UGT1A5: variants seen among roughly 807,000 people sequenced by gnomAD.
UGT1A5 encodes the protein UDP glucuronosyltransferase family 1 member A5.
Under a neutral mutation model 40.3 loss-of-function variants are expected in UGT1A5, and 29 were observed. That is an observed-to-expected ratio of 0.72 (90% CI 0.54 to 0.98). The LOEUF (loss-of-function observed/expected upper bound fraction) is 0.98. UGT1A5 is among the 50% of genes least tolerant of loss of function. The pLI, the probability that UGT1A5 is intolerant of heterozygous loss-of-function variation, is 0.00. For synonymous variants in UGT1A5, 257 were observed against 262.5 expected (o/e 0.98, Z 0.20); for missense variants, 678 against 677.9 (o/e 1.00, Z 0.00).
At chr2:233,772,163 T>C in intron 4 of UGT1A5, 99 bp from the exon 5 acceptor site, 2 of 1,568,298 alleles carry the variant, frequency 1.3e-6, no homozygotes, top group South Asian at 1.2e-5. Context: ...TTCCCAAGTT[T>C]GGAAAATCTG....
intron 1 of UGT1A5, among the ~76,000 whole-genome samples, chr2:233,717,273 A>G (rs3806593): frequency 0.1 from 15,402 of 152,148 alleles, 886 homozygotes; most frequent in East Asian, 0.2. Context: ...ATAGTTGAGA[A>G]GCTGAGATGT....
chr2:233,734,445 A>G (rs1034867572), intron 1 of UGT1A5, among the ~76,000 whole-genome samples: 11 of 144,918 alleles, frequency 7.6e-5, no homozygotes, highest in African/African-American at 3.0e-4. Flanking sequence ...CCAGAGGTCT[A>G]TCAATTTTCA....
intron 1 of UGT1A5, among the ~76,000 whole-genome samples, chr2:233,762,455 C>T (rs960271633): frequency 3.9e-5 from 6 of 152,100 alleles, no homozygotes; most frequent in Admixed American, 6.5e-5. Flanking sequence ...GCCCACTTAC[C>T]GATAATGTCA....
intron 1 of UGT1A5, among the ~76,000 whole-genome samples, chr2:233,734,366 T>C (rs578211263): frequency 4.6e-5 from 7 of 152,208 alleles, no homozygotes; most frequent in Non-Finnish European, 1.0e-4. Flanking sequence ...GGATCGGTGG[T>C]GATATTGCCT....
chr2:233,716,827 A>T (rs1249548003), intron 1 of UGT1A5, among the ~76,000 whole-genome samples: 1 of 152,150 alleles, frequency 6.6e-6, no homozygotes, highest in Admixed American at 6.5e-5. Flanking sequence ...GACCTCACTG[A>T]CACCCATGGC....
chr2:233,753,997 G>A (rs1199006264), intron 1 of UGT1A5, among the ~76,000 whole-genome samples: 1 of 152,188 alleles, frequency 6.6e-6, no homozygotes, highest in East Asian at 1.9e-4. Flanking sequence ...CCAAGTTTGG[G>A]TAATTTGTTA....
chr2:233,758,631 T>C (rs1046720713), intron 1 of UGT1A5, among the ~76,000 whole-genome samples: 1 of 152,152 alleles, frequency 6.6e-6, no homozygotes, highest in Non-Finnish European at 1.5e-5. Context: ...AAGTACCTAC[T>C]CTAAGGAGAA....
intron 1 of UGT1A5, chr2:233,747,465 A>G: frequency 6.2e-7 from 1 of 1,608,768 alleles, no homozygotes; most frequent in African/African-American, 1.3e-5. Context: ...CATTTCATGG[A>G]CCCAGGATGA....
chr2:233,740,208 A>G (rs1691334030), intron 1 of UGT1A5, among the ~76,000 whole-genome samples: 1 of 151,862 alleles, frequency 6.6e-6, no homozygotes, highest in Admixed American at 6.5e-5. Flanking sequence ...TAAATTACCC[A>G]GTCTCAGCTG....
chr2:233,735,194 G>A (rs1453877809), intron 1 of UGT1A5, among the ~76,000 whole-genome samples: 1 of 152,090 alleles, frequency 6.6e-6, no homozygotes, highest in Admixed American at 6.5e-5. Flanking sequence ...GAATCTAGGT[G>A]CTCCTGTATT....
chr2:233,739,826 A>G (rs989260193), intron 1 of UGT1A5, among the ~76,000 whole-genome samples: 6 of 152,024 alleles, frequency 3.9e-5, no homozygotes, highest in African/African-American at 1.2e-4. Context: ...TTAAATGTGA[A>G]AAGACATGAG....
intron 1 of UGT1A5, among the ~76,000 whole-genome samples, chr2:233,759,941 CTTG>C (rs1697287093): frequency 6.6e-6 from 1 of 152,156 alleles, no homozygotes; most frequent in Non-Finnish European, 1.5e-5. Flanking sequence ...AGAAGCCTAA[CTTG>C]TTCACTACAT....
At position 233,768,358 on chromosome 2, in the gene UGT1A5, G is replaced by A. The variant is rs770254031; in HGVS notation, c.1226G>A (p.Gly409Glu). Reference sequence around the variant, plus strand: ...AATGCAAAGCGCATGGAGACTAAGGGAGCTGGAGTGACCCTGAATGTTCTG... The same window carrying A: ...AATGCAAAGCGCATGGAGACTAAGGAAGCTGGAGTGACCCTGAATGTTCTG... ...MDNAKRMETK[G>E]AGVTLNVLEM... The change falls in exon 4 of 5, where the codon GGA becomes GAA. Residue 409 changes from glycine to glutamate, a missense_variant. Coordinates refer to ENST00000373414, the MANE Select transcript of UGT1A5 (RefSeq NM_019078.2). 8.7e-6 allele frequency: 14 copies of A among 1,614,148 alleles called. No individual in the cohort carries two copies. Among genetic ancestry groups the A allele is most frequent in the Non-Finnish European group, 7.6e-6 (9 of 1,180,042 alleles).
In UGT1A5 at chr2:233,722,855, T is replaced by G. The variant is rs537122940; in HGVS notation, c.867+8997T>G. Among the ~76,000 whole-genome samples, 9 of 127,428 alleles carry G rather than the reference T, an allele frequency of 7.1e-5. No individual in the cohort carries two copies. The South Asian group carries it at 1.9e-3, about 27-fold the overall frequency. 83.6% of individuals were successfully genotyped at this position (127,428 alleles called of 152,430 possible). A position where few individuals can be genotyped will look rare whatever the true frequency, so the allele number is the denominator to read the frequency against. On this transcript the variant is annotated intron_variant, in intron 1 of 4. Coordinates refer to ENST00000373414, the MANE Select transcript of UGT1A5 (RefSeq NM_019078.2). ...ATAATAAGAATGTTTCTTTTTTTTTTTTTTGAAGGAAAAAATAAATTTATT... is the reference window on the plus strand; with the variant it reads ...ATAATAAGAATGTTTCTTTTTTTTTGTTTTGAAGGAAAAAATAAATTTATT...
At chr2:233,744,603 G>A (rs894598694) in intron 1 of UGT1A5, among the ~76,000 whole-genome samples, 6 of 151,902 alleles carry the variant, frequency 3.9e-5, no homozygotes, top group African/African-American at 9.7e-5. Context: ...TCTCTCTTTA[G>A]TACTTGGCTC....
At chr2:233,752,448 A>G (rs1409153426) in intron 1 of UGT1A5, 1 of 152,234 alleles carries the variant, frequency 6.6e-6, no homozygotes, top group Admixed American at 6.5e-5. Flanking sequence ...ATAAAAGATG[A>G]ATACCCACAT....
chr2:233,724,568 G>A (rs1015390355), intron 1 of UGT1A5, among the ~76,000 whole-genome samples: 3 of 128,090 alleles, frequency 2.3e-5, no homozygotes, highest in Admixed American at 7.6e-5. Context: ...ATGGGGCGGC[G>A]GGGCAGAGGC....
chr2:233,732,886 T>C lies in UGT1A5; in HGVS notation c.867+19028T>C, dbSNP rs572448291. On this transcript the variant is annotated intron_variant, in intron 1 of 4. Coordinates refer to ENST00000373414, the MANE Select transcript of UGT1A5 (RefSeq NM_019078.2). ...CTTGATGGGTTTGGCATTGAATCTATAAATTACCTTGGGCAGTATGGCCAT... is the reference window on the plus strand; with the variant it reads ...CTTGATGGGTTTGGCATTGAATCTACAAATTACCTTGGGCAGTATGGCCAT... Among the ~76,000 whole-genome samples, 466 of 152,210 alleles carry C rather than the reference T, an allele frequency of 3.1e-3. 4 individuals are homozygous for C. The highest frequency in any genetic ancestry group is 0.011 in the African/African-American group (443 of 41,520).
intron 1 of UGT1A5, chr2:233,761,004 G>A: frequency 6.2e-7 from 1 of 1,614,118 alleles, no homozygotes; most frequent in African/African-American, 1.3e-5. Flanking sequence ...AATTCCTTCA[G>A]AGAGAGGTGA....
Sources: gnomAD v4.1 joint callset for allele counts (sites outside exome capture counted in the v4.1 genomes callset) on GRCh38, gnomAD v4.1.1 for gene constraint, MANE v1.5 for transcripts, NCBI Gene and HGNC (gene_info 2026-07-23, HGNC 2026-07-21) for gene names.